The following STAT5B variants were observed in gnomAD, a reference collection of about 807,000 sequenced individuals.
STAT5B encodes the protein signal transducer and activator of transcription 5B.
STAT5B carries 21 observed loss-of-function variants against 107.8 expected under a neutral mutation model. That is an observed-to-expected ratio of 0.19 (90% CI 0.14 to 0.28). STAT5B has a LOEUF of 0.28. Among genes scored for constraint, STAT5B ranks in the 10% least tolerant of loss-of-function variants. STAT5B has a pLI of 1.00. For missense variants in STAT5B, 565 were observed against 1,008.2 expected (o/e 0.56, Z 5.95); for synonymous variants, 325 against 401.7 (o/e 0.81, Z 2.28).
At chr17:42,277,488 C>T (rs1172624735), upstream of STAT5B, among the ~76,000 whole-genome samples, 1 of 152,216 alleles carries the variant, frequency 6.6e-6, no homozygotes, top group Non-Finnish European at 1.5e-5. Context: ...ATGACACCAG[C>T]CACAAAGGTC....
Position 42,276,085 on chromosome 17 carries a change from G to A in STAT5B, c.-11+163C>T, listed in dbSNP as rs1309444741. Among the ~76,000 whole-genome samples, 1 of 150,534 alleles carries A rather than the reference G, an allele frequency of 6.6e-6. No individual in the cohort carries two copies. The highest frequency in any genetic ancestry group is 2.0e-4 in the East Asian group (1 of 5,026). Reference sequence around the variant, plus strand: ...CAGCCAACCCGGACCCCCTCTCCCCGCGCGCGCCCCTCGCCCAGCGCGCAA... The same window carrying A: ...CAGCCAACCCGGACCCCCTCTCCCCACGCGCGCCCCTCGCCCAGCGCGCAA... On this transcript the variant is annotated intron_variant, in intron 1 of 18. Coordinates refer to ENST00000293328, the MANE Select transcript of STAT5B (RefSeq NM_012448.4). The surrounding 1 kb of genome is among the most constrained non-coding windows in gnomAD (Gnocchi z 4.8).
intron 15 of STAT5B, among the ~76,000 whole-genome samples, chr17:42,208,209 C>T (rs1016008113): frequency 1.3e-5 from 2 of 151,922 alleles, no homozygotes; most frequent in Non-Finnish European, 2.9e-5. Context: ...GTTTTAAAAG[C>T]CATGGGTAGG....
the STAT5B span, among the ~76,000 whole-genome samples, chr17:42,282,221 A>G: frequency 1.3e-5 from 2 of 152,232 alleles, no homozygotes; most frequent in African/African-American, 2.4e-5. Flanking sequence ...TGTTAGGGCC[A>G]TAAGAAGGGG....
intron 1 of STAT5B, among the ~76,000 whole-genome samples, chr17:42,261,861 G>A (rs1488844723): frequency 6.6e-6 from 1 of 152,094 alleles, no homozygotes; most frequent in Non-Finnish European, 1.5e-5. Context: ...TGCCCAGCCA[G>A]ATTTTTTTCT....
Position 42,201,772 on chromosome 17 carries a change from A to T in STAT5B, c.2330T>A (p.Met777Lys). The T allele has an allele frequency of 6.2e-7, 1 of 1,614,140 alleles. No individual in the cohort carries two copies. The change falls in exon 19 of 19, where the codon ATG (methionine) becomes AAG (lysine). Residue 777 changes from methionine (M) to lysine (K), a missense_variant. Physicochemically the swap from Met to Lys is moderately conservative, Grantham distance 95 (BLOSUM62 -1). Around this residue, in one of 11 missense-constraint regions of STAT5B, gnomAD observed 76 missense variants for 110.2 expected, o/e 0.69. Transcript: ENST00000293328. ...RRVEELLGRPMDSQWIPHAQS is the reference protein window; with the variant it reads ...RRVEELLGRPKDSQWIPHAQS The stretch of plus-strand genomic sequence containing the variant: ...TGCGTGCGGGATCCACTGACTGTCC[A>T]TTGGCCGGCCCAGGAGCTCCTCCAC...
At chr17:42,269,626 G>C (rs1353390149) in intron 1 of STAT5B, 1 of 152,154 alleles carries the variant, frequency 6.6e-6, no homozygotes, top group Admixed American at 6.5e-5. Flanking sequence ...CCTGGTCAAA[G>C]GTGACAGTTG....
In STAT5B at chr17:42,276,009, G is replaced by A. The variant is rs2080761860; in HGVS notation, c.-11+239C>T. 6.6e-6 allele frequency among the ~76,000 whole-genome samples: 1 copy of A among 150,748 alleles called. No homozygotes were observed. Among genetic ancestry groups the A allele is most frequent in the Non-Finnish European group, 1.5e-5 (1 of 67,586 alleles). On this transcript the variant is annotated intron_variant, in intron 1 of 18. Coordinates refer to ENST00000293328, the MANE Select transcript of STAT5B (RefSeq NM_012448.4). This position sits in a 1 kb window ranked among gnomAD's most constrained non-coding sequence, Gnocchi z 4.8. ...AAGCGCACGCCCCCCGCGGCGCCGCGGCGTTCGCAAGTCCCCCTCGCGCAC... is the reference window on the plus strand; with the variant it reads ...AAGCGCACGCCCCCCGCGGCGCCGCAGCGTTCGCAAGTCCCCCTCGCGCAC...
Position 42,201,450 on chromosome 17 carries a change from TTC to T in STAT5B, c.*286_*287del, listed in dbSNP as rs2080042384. On this transcript the variant is annotated 3_prime_UTR_variant, in exon 19 of 19. Transcript: ENST00000293328. ...TGCACAAAGTAAAAACCACCACAGC[TTC>T]TGTCTGTGGCCCCTCTGCTACAACT... 1 of 601,644 alleles carries T rather than the reference TTC, an allele frequency of 1.7e-6. No homozygotes were observed. Among genetic ancestry groups the T allele is most frequent in the African/African-American group, 1.9e-5 (1 of 53,910 alleles). The allele number at this position is 601,644 out of a possible 1,614,324, so 37.3% of individuals were successfully genotyped here.
At chr17:42,209,620 A>G (rs1324874652) in intron 15 of STAT5B, among the ~76,000 whole-genome samples, 1 of 152,160 alleles carries the variant, frequency 6.6e-6, no homozygotes, top group East Asian at 1.9e-4. Context: ...AGGGAGGAGG[A>G]CTGCTTGAGG....
At chr17:42,223,986 A>G (rs1025945689) in intron 4 of STAT5B, among the ~76,000 whole-genome samples, 1 of 152,168 alleles carries the variant, frequency 6.6e-6, no homozygotes, top group Non-Finnish European at 1.5e-5. Flanking sequence ...CCATGTGAAC[A>G]CACATCATCT....
At chr17:42,237,240 C>T (rs899031914) in intron 1 of STAT5B, among the ~76,000 whole-genome samples, 4 of 152,124 alleles carry the variant, frequency 2.6e-5, no homozygotes, top group Non-Finnish European at 5.9e-5. Flanking sequence ...GGCCCTCAGG[C>T]ACTTGTTAAT....
chr17:42,230,553 TC>T (rs959870427), intron 2 of STAT5B, among the ~76,000 whole-genome samples: 8 of 151,550 alleles, frequency 5.3e-5, no homozygotes, highest in Non-Finnish European at 1.5e-5. Flanking sequence ...AACTCTCCCC[TC>T]CCCCAAGTAT....
At chr17:42,251,213 A>G (rs1438875241) in intron 1 of STAT5B, among the ~76,000 whole-genome samples, 1 of 152,146 alleles carries the variant, frequency 6.6e-6, no homozygotes, top group Non-Finnish European at 1.5e-5. Flanking sequence ...AAATTAGCCA[A>G]AAGCTTTAGA....
rs533475630 is a variant in STAT5B, at chr17:42,224,588, T to TGCCTCA, written c.375+185_375+190dup. ...AACTCCTGGGCTCAGGCAATCTGCC[T>TGCCTCA]GCCTCAGCCTCCCAAAGTGCTGGGC... On this transcript the variant is annotated intron_variant, in intron 4 of 18. Coordinates refer to ENST00000293328, the MANE Select transcript of STAT5B (RefSeq NM_012448.4). Among the ~76,000 whole-genome samples, 566 of 152,188 alleles carry TGCCTCA rather than the reference T, an allele frequency of 3.7e-3. 6 individuals carry two copies. Among genetic ancestry groups the TGCCTCA allele is most frequent in the African/African-American group, 0.013 (538 of 41,532 alleles).
intron 1 of STAT5B, among the ~76,000 whole-genome samples, chr17:42,263,344 T>C (rs1045247505): frequency 6.6e-6 from 1 of 151,980 alleles, no homozygotes; most frequent in African/African-American, 2.4e-5. Context: ...AAAAACAGGA[T>C]ACTATACCAA....
chr17:42,227,440 T>C (rs989904021), intron 3 of STAT5B, 89 bp downstream of exon 3: 3 of 1,580,736 alleles, frequency 1.9e-6, no homozygotes, highest in South Asian at 2.2e-5. Context: ...AACTCAACAA[T>C]GCTGGACTGA....
At chr17:42,248,070 A>T (rs144222829) in intron 1 of STAT5B, among the ~76,000 whole-genome samples, 2 of 151,984 alleles carry the variant, frequency 1.3e-5, no homozygotes, top group Non-Finnish European at 2.9e-5. Flanking sequence ...TTAGGCCAGG[A>T]GTTTGAAACA....
At chr17:42,265,576 C>G (rs950948928) in intron 1 of STAT5B, among the ~76,000 whole-genome samples, 3 of 151,916 alleles carry the variant, frequency 2.0e-5, no homozygotes, top group Admixed American at 6.6e-5. Context: ...TGGTCTTGAA[C>G]TCCTGACCTC....
At position 42,228,385 on chromosome 17, in the gene STAT5B, T is replaced by TTTCTTTCC. The variant is rs965932504; in HGVS notation, c.129-708_129-701dup. 7.9e-5 allele frequency among the ~76,000 whole-genome samples: 12 copies of TTTCTTTCC among 152,190 alleles called. 1 individual carries two copies. Among genetic ancestry groups the TTTCTTTCC allele is most frequent in the South Asian group, 2.1e-4 (1 of 4,834 alleles). Reference sequence around the variant, plus strand: ...GGGGTTGGATGGTCTCCCTCCCTCCTTTCTTTCCTTCTTTCCTTCTTTCCT... The same window carrying TTTCTTTCC: ...GGGGTTGGATGGTCTCCCTCCCTCCTTTCTTTCCTTCTTTCCTTCTTTCCTTCTTTCCT... On this transcript the variant is annotated intron_variant, in intron 2 of 18. Coordinates refer to ENST00000293328, the MANE Select transcript of STAT5B (RefSeq NM_012448.4).
Sources: gnomAD v4.1 joint callset for allele counts (sites outside exome capture counted in the v4.1 genomes callset) on GRCh38, gnomAD v4.1.1 for gene constraint, gnomAD v4.1.1 regional missense constraint, Gnocchi (gnomAD v3.1) non-coding constraint, MANE v1.5 for transcripts, NCBI Gene and HGNC (gene_info 2026-07-23, HGNC 2026-07-21) for gene names.